Variants in BARD1 observed in about 807,000 individuals in gnomAD.
BARD1 encodes BRCA1 associated RING domain 1, also known as BRCA1-associated RING domain protein 1.
BARD1 carries 73 observed loss-of-function variants against 77.0 expected under a neutral mutation model. The observed-to-expected ratio is 0.95, with a 90% CI of 0.79 to 1.15. The LOEUF is 1.15. Among genes scored for constraint, BARD1 ranks in the 50% most tolerant of loss-of-function variants. The probability of loss-of-function intolerance (pLI) is 0.00; values close to 1 mark genes in which losing one functional copy is unlikely to be tolerated. For synonymous variants in BARD1, 384 were observed against 338.0 expected (o/e 1.14, Z -1.49); for missense variants, 993 against 938.8 (o/e 1.06, Z -0.75).
chr2:214,793,301 C>T (rs960294038), intron 2 of BARD1, among the ~76,000 whole-genome samples: 1 of 152,138 alleles, frequency 6.6e-6, no homozygotes, highest in Non-Finnish European at 1.5e-5. Flanking sequence ...TTCTTGTATC[C>T]TTGGCTTCTA....
chr2:214,765,216 G>A (rs554512633), intron 6 of BARD1, among the ~76,000 whole-genome samples: 5 of 152,324 alleles, frequency 3.3e-5, no homozygotes, highest in African/African-American at 9.6e-5. Flanking sequence ...CTACTGGACA[G>A]TGCTGAGGAA....
At chr2:214,800,276 G>T (rs1695956801) in intron 1 of BARD1, among the ~76,000 whole-genome samples, 1 of 152,160 alleles carries the variant, frequency 6.6e-6, no homozygotes, top group Non-Finnish European at 1.5e-5. Context: ...TATTTGTGTT[G>T]CTGTTAACGG....
rs1433335356 is a variant in BARD1, at chr2:214,745,060, C to A, written c.1903+7G>T. On this transcript the variant is annotated splice_region_variant and intron_variant, in intron 9 of 10. Coordinates refer to ENST00000260947, the MANE Select transcript of BARD1 (RefSeq NM_000465.4). ...CATTTCTTAATTCTCTCAAATCCAA[C>A]ACTTACATTCAAATTTTAGAATCCA... The A allele has an allele frequency of 6.2e-7, 1 of 1,611,048 alleles. No homozygotes were observed. The highest frequency in any genetic ancestry group is 8.5e-7 in the Non-Finnish European group (1 of 1,177,296).
rs369986649 is a variant in BARD1 at position 214,769,310 on chromosome 2, G to A, written c.1317C>T (p.Gly439=). Residue 439 remains glycine (G), a splice_region_variant and synonymous_variant, in exon 5 of 11, where the codon GGC becomes GGT. Transcript: ENST00000260947. ...AAAGGTATTCAACAGAAGGTATGTC[G>A]CCCTAGAAAAATGAACAAAACGGAA... The part of the protein sequence containing the change: ...ETLLHIASIK[G]DIPSVEYLLQ... The A allele has an allele frequency of 1.4e-5, 22 of 1,611,770 alleles. No homozygotes were observed. Among genetic ancestry groups the A allele is most frequent in the South Asian group, 5.5e-5 (5 of 91,008 alleles).
chr2:214,753,514 G>A lies in BARD1; in HGVS notation c.1569-959C>T, dbSNP rs145137909. Reference sequence around the variant, plus strand: ...ATGTGAAAATCCAATGCAGTAAATGGGACATGAAGTTATAAACATGGTATA... The same window carrying A: ...ATGTGAAAATCCAATGCAGTAAATGAGACATGAAGTTATAAACATGGTATA... On this transcript the variant is annotated intron_variant, in intron 6 of 10. Transcript: ENST00000260947. Among the ~76,000 whole-genome samples the A allele has an allele frequency of 6.6e-3, 1,002 of 152,016 alleles. 4 individuals carry two copies. The highest frequency in any genetic ancestry group is 0.011 in the Non-Finnish European group (721 of 67,952).
intron 4 of BARD1, among the ~76,000 whole-genome samples, chr2:214,779,999 A>T (rs2106106198): frequency 6.6e-6 from 1 of 152,320 alleles, no homozygotes; most frequent in South Asian, 2.1e-4. Context: ...GCAATAATTA[A>T]AGAGAATGAA....
intron 6 of BARD1, among the ~76,000 whole-genome samples, chr2:214,766,920 C>G (rs11891661): frequency 0.37 from 56,181 of 151,530 alleles, 10,481 homozygotes; most frequent in Middle Eastern, 0.43. Flanking sequence ...ATTTCACCAC[C>G]CAGGTATTGA....
chr2:214,746,764 G>A (rs7563978), intron 7 of BARD1, among the ~76,000 whole-genome samples: 2 of 151,816 alleles, frequency 1.3e-5, no homozygotes, highest in South Asian at 2.1e-4. Context: ...AGAAGAAAAC[G>A]TAGGCAATAC....
In BARD1 at chr2:214,780,701, T is replaced by C; in HGVS notation, c.1173A>G (p.Ser391=). Residue 391 remains serine, a synonymous_variant, in exon 4 of 11, where the codon TCA becomes TCG. Transcript: ENST00000260947. ...SNMSDEFISL[S]PGTPPSTLSS... ...TTAATGTAGAAGGTGGTGTACCTGG[T>C]GAAAGACTAATGAATTCATCGGACA... The C allele has an allele frequency of 6.2e-7, 1 of 1,614,148 alleles. No homozygotes were observed. The highest frequency in any genetic ancestry group is 8.5e-7 in the Non-Finnish European group (1 of 1,180,006).
At chr2:214,762,505 G>C (rs1194071480) in intron 6 of BARD1, among the ~76,000 whole-genome samples, 1 of 152,082 alleles carries the variant, frequency 6.6e-6, no homozygotes, top group South Asian at 2.1e-4. Context: ...GAGACATGCA[G>C]CTTGGTCCTG....
chr2:214,730,323 C>CAGA, intron 10 of BARD1, 88 bp downstream of exon 10: 1 of 1,113,114 alleles, frequency 9.0e-7, no homozygotes, highest in Non-Finnish European at 1.4e-6. Flanking sequence ...TCACCTGTAG[C>CAGA]TGTTGAAAGG....
At chr2:214,730,698 G>C (rs765959857) in intron 9 of BARD1, among the ~76,000 whole-genome samples, 190 bp from the exon 10 acceptor site, 6 of 151,954 alleles carry the variant, frequency 3.9e-5, no homozygotes, top group African/African-American at 7.3e-5. Flanking sequence ...CCCATATAAA[G>C]AAAATATTTT....
intron 6 of BARD1, among the ~76,000 whole-genome samples, chr2:214,765,746 G>C (rs111779457): frequency 6.6e-6 from 1 of 151,848 alleles, no homozygotes. Context: ...AAACACGCAC[G>C]TGTGTACACA....
intron 9 of BARD1, among the ~76,000 whole-genome samples, chr2:214,742,366 A>G (rs1323409305): frequency 6.6e-6 from 1 of 152,228 alleles, no homozygotes; most frequent in Admixed American, 6.5e-5. Context: ...GATGCTTGAC[A>G]CTGAGAACAG....
intron 3 of BARD1, among the ~76,000 whole-genome samples, chr2:214,791,011 G>A (rs1250930702): frequency 2.0e-5 from 3 of 152,138 alleles, no homozygotes; most frequent in African/African-American, 7.2e-5. Context: ...TAAATAAGAA[G>A]AGTTCAGATG....
At chr2:214,742,264 C>T (rs1030916222) in intron 9 of BARD1, among the ~76,000 whole-genome samples, 1 of 152,138 alleles carries the variant, frequency 6.6e-6, no homozygotes, top group Admixed American at 6.6e-5. Flanking sequence ...CAGTGATGTG[C>T]ACCCGTAGTA....
chr2:214,763,004 T>G (rs1420755375), intron 6 of BARD1, among the ~76,000 whole-genome samples: 1 of 151,656 alleles, frequency 6.6e-6, no homozygotes, highest in Non-Finnish European at 1.5e-5. Context: ...GTTTTCAACT[T>G]AAAATCAGCA....
At chr2:214,738,826 A>G (rs1274808134) in intron 9 of BARD1, among the ~76,000 whole-genome samples, 6 of 152,296 alleles carry the variant, frequency 3.9e-5, no homozygotes, top group East Asian at 1.9e-4. Flanking sequence ...TTCAAATCCC[A>G]GAGTAGTAAA....
chr2:214,771,293 T>C (rs891102853), intron 4 of BARD1, among the ~76,000 whole-genome samples: 3 of 152,190 alleles, frequency 2.0e-5, no homozygotes, highest in Non-Finnish European at 1.5e-5. Flanking sequence ...ATGAGTTTCG[T>C]GAGTGCTTCT....
Sources: gnomAD v4.1 joint callset for allele counts (sites outside exome capture counted in the v4.1 genomes callset) on GRCh38, gnomAD v4.1.1 for gene constraint, MANE v1.5 for transcripts, NCBI Gene and HGNC (gene_info 2026-07-23, HGNC 2026-07-21) for gene names.